PCDH9: variants seen among roughly 807,000 people sequenced by gnomAD.
PCDH9 encodes the protein protocadherin 9.
In PCDH9, 24 loss-of-function variants were observed where a neutral mutation model predicts 70.6. The ratio of observed to expected loss-of-function variants is 0.34; its 90% CI spans 0.25 to 0.48. The LOEUF (loss-of-function observed/expected upper bound fraction) is 0.48. PCDH9 is among the 20% of genes least tolerant of loss of function. PCDH9 has a pLI of 0.99. For synonymous variants in PCDH9, 562 were observed against 558.5 expected (o/e 1.01, Z -0.09); for missense variants, 1,281 against 1,503.6 (o/e 0.85, Z 2.45).
At chr13:66,894,293 GAA>G (rs368035161) in intron 3 of PCDH9, among the ~76,000 whole-genome samples, 1 of 147,890 alleles carries the variant, frequency 6.8e-6, no homozygotes, top group Admixed American at 6.7e-5. Flanking sequence ...ACTATCTAAA[GAA>G]AAAAAAAATT....
intron 4 of PCDH9, among the ~76,000 whole-genome samples, chr13:66,413,467 A>G (rs1489323847): frequency 2.6e-5 from 4 of 152,078 alleles, no homozygotes; most frequent in Admixed American, 6.6e-5. Context: ...CAGGCAAATC[A>G]TGAGGTCAGG....
chr13:66,928,533 C>T (rs2082752509), intron 2 of PCDH9, among the ~76,000 whole-genome samples: 1 of 152,188 alleles, frequency 6.6e-6, no homozygotes, highest in South Asian at 2.1e-4. Context: ...ATGTTGAAAA[C>T]TAATTCCCAG....
At chr13:66,349,747 A>G (rs1260347461) in intron 4 of PCDH9, among the ~76,000 whole-genome samples, 3 of 152,194 alleles carry the variant, frequency 2.0e-5, no homozygotes. Context: ...AAGGTAGCAG[A>G]AGGAAAATGT....
In PCDH9 at chr13:66,871,882, T is replaced by G. The variant is rs144694528; in HGVS notation, c.3138+31622A>C. On this transcript the variant is annotated intron_variant, in intron 3 of 4. Coordinates refer to ENST00000377865, the MANE Select transcript of PCDH9 (RefSeq NM_203487.3). ...TTGTCTGAAACATACTCCTCTACTT[T>G]CATTGCATAACAAATTTAACCTTCC... Among the ~76,000 whole-genome samples, 114 of 152,250 alleles carry G rather than the reference T, an allele frequency of 7.5e-4. 2 individuals are homozygous for G. The highest frequency in any genetic ancestry group is 2.9e-3 in the Admixed American group (45 of 15,272).
In PCDH9 at chr13:66,441,412, AT is replaced by A. The variant is rs561843862; in HGVS notation, c.3341-136385del. ...ATGTCTTGAAGGAGGGAAGAAAAAA[AT>A]ATTAGAAAAACCACCTGAAAATATA... is the stretch of plus-strand genomic sequence containing the variant. On this transcript the variant is annotated intron_variant, in intron 4 of 4. Coordinates refer to ENST00000377865, the MANE Select transcript of PCDH9 (RefSeq NM_203487.3). Among the ~76,000 whole-genome samples the A allele has an allele frequency of 5.9e-5, 9 of 152,322 alleles. No individual in the cohort carries two copies. In the South Asian group the frequency reaches 1.7e-3, roughly 28 times the overall value.
intron 3 of PCDH9, among the ~76,000 whole-genome samples, chr13:66,632,401 G>T (rs1246350196): frequency 1.3e-5 from 2 of 152,174 alleles, no homozygotes; most frequent in Non-Finnish European, 2.9e-5. Flanking sequence ...GATTAAATTA[G>T]AAATTATTCT....
At chr13:66,631,956 C>T (rs189231146) in intron 3 of PCDH9, among the ~76,000 whole-genome samples, 301 of 152,228 alleles carry the variant, frequency 2.0e-3, no homozygotes, top group South Asian at 3.7e-3. Flanking sequence ...TGCAATGGCG[C>T]GATCTTGGCT....
At chr13:66,942,678 TGTTCAA>T (rs922888045) in intron 2 of PCDH9, among the ~76,000 whole-genome samples, 3 of 152,076 alleles carry the variant, frequency 2.0e-5, no homozygotes, top group Admixed American at 2.0e-4. Context: ...CAAGAGATCC[TGTTCAA>T]GTTTGTCTAA....
intron 2 of PCDH9, among the ~76,000 whole-genome samples, chr13:66,964,901 C>T (rs1268594772): frequency 6.6e-6 from 1 of 151,864 alleles, no homozygotes; most frequent in Non-Finnish European, 1.5e-5. Flanking sequence ...ATCTGCCTAA[C>T]AATTGTCAAC....
chr13:66,568,692 A>T (rs1018110576), intron 4 of PCDH9, among the ~76,000 whole-genome samples: 4 of 151,682 alleles, frequency 2.6e-5, no homozygotes, highest in Non-Finnish European at 4.4e-5. Context: ...AAAGAAAATG[A>T]TTTGCAGGAG....
intron 2 of PCDH9, among the ~76,000 whole-genome samples, chr13:67,164,878 A>G (rs2138426874): frequency 6.6e-6 from 1 of 152,220 alleles, no homozygotes; most frequent in Middle Eastern, 3.4e-3. Flanking sequence ...ATCACTTGCT[A>G]TGTCATTATT....
chr13:66,580,569 A>C (rs559618572), intron 4 of PCDH9, among the ~76,000 whole-genome samples: 1 of 151,734 alleles, frequency 6.6e-6, no homozygotes, highest in Non-Finnish European at 1.5e-5. Context: ...GGGGTGATAA[A>C]ACTGTTGTAC....
At chr13:66,522,789 T>G (rs555446544) in intron 4 of PCDH9, among the ~76,000 whole-genome samples, 1 of 152,088 alleles carries the variant, frequency 6.6e-6, no homozygotes, top group Admixed American at 6.6e-5. Context: ...CCTTAAAACT[T>G]TGGAGGAAGT....
chr13:66,547,648 A>G (rs1961266979), intron 4 of PCDH9, among the ~76,000 whole-genome samples: 1 of 152,074 alleles, frequency 6.6e-6, no homozygotes, highest in African/African-American at 2.4e-5. Context: ...CAAAAATAAC[A>G]TAAATAATTG....
chr13:66,589,334 AG>A (rs2077008745), intron 4 of PCDH9, among the ~76,000 whole-genome samples: 1 of 152,016 alleles, frequency 6.6e-6, no homozygotes, highest in South Asian at 2.1e-4. Flanking sequence ...CGATGACTAT[AG>A]GTAACAAAAA....
chr13:67,168,010 GT>G (rs1217074085), intron 2 of PCDH9, among the ~76,000 whole-genome samples: 1 of 152,100 alleles, frequency 6.6e-6, no homozygotes, highest in African/African-American at 2.4e-5. Flanking sequence ...CAAACGATTT[GT>G]TTCACAGTGA....
At chr13:67,200,246 A>T (rs906974569) in intron 2 of PCDH9, among the ~76,000 whole-genome samples, 9 of 152,198 alleles carry the variant, frequency 5.9e-5, no homozygotes, top group African/African-American at 2.2e-4. Flanking sequence ...TTTCTATGTG[A>T]ATTTAATTGA....
intron 2 of PCDH9, among the ~76,000 whole-genome samples, chr13:67,182,139 G>A (rs2088633298): frequency 6.6e-6 from 1 of 152,110 alleles, no homozygotes; most frequent in African/African-American, 2.4e-5. Context: ...TGTATATCCT[G>A]CTATATCCTC....
chr13:66,630,087 A>G (rs1306564185), intron 4 of PCDH9, among the ~76,000 whole-genome samples: 1 of 152,186 alleles, frequency 6.6e-6, no homozygotes, highest in Non-Finnish European at 1.5e-5. Context: ...TCATACTTCA[A>G]TTTCCCACTT....
Sources: gnomAD v4.1 joint callset for allele counts (sites outside exome capture counted in the v4.1 genomes callset) on GRCh38, gnomAD v4.1.1 for gene constraint, MANE v1.5 for transcripts, NCBI Gene and HGNC (gene_info 2026-07-23, HGNC 2026-07-21) for gene names.